Variants in ZNF442 observed in about 807,000 individuals in gnomAD.
ZNF442 encodes zinc finger protein 442.
In ZNF442, 45 loss-of-function variants were observed where a neutral mutation model predicts 57.0. That is an observed-to-expected ratio of 0.79 (90% CI 0.62 to 1.01). ZNF442 has a LOEUF of 1.01. ZNF442 is among the 50% of genes least tolerant of loss of function. The probability of loss-of-function intolerance (pLI) is 0.00; values close to 1 mark genes in which losing one functional copy is unlikely to be tolerated. For synonymous variants in ZNF442, 213 were observed against 241.8 expected, an observed-to-expected ratio of 0.88 and a Z score of 1.10; for missense variants, 690 against 756.5, an observed-to-expected ratio of 0.91 and a Z score of 1.03.
intron 3 of ZNF442, among the ~76,000 whole-genome samples, chr19:12,360,779 C>T (rs980914577): frequency 6.6e-6 from 1 of 152,086 alleles, no homozygotes; most frequent in South Asian, 2.1e-4. Context: ...AATCAGGAGG[C>T]TGAGGCACGA....
chr19:12,372,412 T>C, the ZNF442 span, among the ~76,000 whole-genome samples: 1 of 151,308 alleles, frequency 6.6e-6, no homozygotes, highest in African/African-American at 2.4e-5. Context: ...TGAGCCCAGA[T>C]AGCACCACTG....
At chr19:12,373,206 C>T in the ZNF442 span, among the ~76,000 whole-genome samples, 1 of 152,148 alleles carries the variant, frequency 6.6e-6, no homozygotes, top group African/African-American at 2.4e-5. Flanking sequence ...ACACTTACAT[C>T]ATTTCATCAG....
In ZNF442 at chr19:12,363,654, G is replaced by A. The variant is rs892735492; in HGVS notation, c.-23C>T. Reference sequence around the variant, plus strand: ...CATTCAACTGGCTGACCAGCCGTGTGTCCCCAAGGAATGGAAACTGGGGTT... The same window carrying A: ...CATTCAACTGGCTGACCAGCCGTGTATCCCCAAGGAATGGAAACTGGGGTT... On this transcript the variant is annotated 5_prime_UTR_variant, in exon 3 of 6. Coordinates refer to ENST00000242804, the MANE Select transcript of ZNF442 (RefSeq NM_030824.3). 1.9e-6 allele frequency: 3 copies of A among 1,610,304 alleles called. No homozygotes were observed. The highest frequency in any genetic ancestry group is 2.5e-6 in the Non-Finnish European group (3 of 1,176,526).
rs1969272399 is a variant in ZNF442, at chr19:12,353,123, C to G, written c.79-9G>C. Reference sequence around the variant, plus strand: ...TCAAAGGCTACTGAATCCTGAAACACCCCACATGTACAAAGGAGTAAGGCT... The same window carrying G: ...TCAAAGGCTACTGAATCCTGAAACAGCCCACATGTACAAAGGAGTAAGGCT... On this transcript the variant is annotated splice_polypyrimidine_tract_variant and intron_variant, in intron 3 of 5. Transcript: ENST00000242804. The G allele has an allele frequency of 1.2e-6, 2 of 1,606,336 alleles. No individual in the cohort carries two copies. Among genetic ancestry groups the G allele is most frequent in the Non-Finnish European group, 8.5e-7 (1 of 1,177,722 alleles).
At chr19:12,363,517 T>C in intron 3 of ZNF442, 37 bp downstream of exon 3, 1 of 1,604,252 alleles carries the variant, frequency 6.2e-7, no homozygotes, top group Non-Finnish European at 8.5e-7. Flanking sequence ...TGGGAGGTTC[T>C]TGCACAACTG....
the ZNF442 span, chr19:12,373,672 A>G: frequency 3.3e-6 from 1 of 306,616 alleles, no homozygotes; most frequent in Non-Finnish European, 6.6e-6. Context: ...TGGTCTCAAT[A>G]TGTGCCGCCA....
chr19:12,355,796 G>C (rs183341260), intron 3 of ZNF442, among the ~76,000 whole-genome samples: 1 of 151,932 alleles, frequency 6.6e-6, no homozygotes, highest in East Asian at 2.0e-4. Flanking sequence ...GGTGAAACCT[G>C]ATCACTAGAA....
At position 12,363,677 on chromosome 19, in the gene ZNF442, G is replaced by A. The variant is rs1352949006; in HGVS notation, c.-40-6C>T. 6.4e-7 allele frequency: 1 copy of A among 1,562,178 alleles called. No homozygotes were observed. The highest frequency in any genetic ancestry group is 8.8e-7 in the Non-Finnish European group (1 of 1,133,006). On this transcript the variant is annotated splice_polypyrimidine_tract_variant and splice_region_variant and intron_variant, in intron 2 of 5. Transcript: ENST00000242804. ...GTGTCCCCAAGGAATGGAAACTGGGGTTGGGGAAGAACAAGGTGATTGTCC... is the reference window on the plus strand; with the variant it reads ...GTGTCCCCAAGGAATGGAAACTGGGATTGGGGAAGAACAAGGTGATTGTCC...
upstream of ZNF442, among the ~76,000 whole-genome samples, chr19:12,369,055 G>C (rs1466016382): frequency 6.6e-6 from 1 of 152,032 alleles, no homozygotes; most frequent in Non-Finnish European, 1.5e-5. Context: ...AGTGTCACTG[G>C]TAAACTGAGT....
rs979273416 is a variant in ZNF442 at position 12,364,940 on chromosome 19, G to A, written c.-179C>T. 1 of 152,218 alleles carries A rather than the reference G, an allele frequency of 6.6e-6. No homozygotes were observed. Among genetic ancestry groups the A allele is most frequent in the Non-Finnish European group, 1.5e-5 (1 of 68,098 alleles). 9.4% of individuals were successfully genotyped at this position (152,218 alleles called of 1,614,324 possible). ...TTGCCCAAGTTCTTTCTCAGATCTT[G>A]AATTCCAACGGAAAGGCTGGCGCCA... is the stretch of plus-strand genomic sequence containing the variant. On this transcript the variant is annotated 5_prime_UTR_variant, in exon 2 of 6. Coordinates refer to ENST00000242804, the MANE Select transcript of ZNF442 (RefSeq NM_030824.3).
intron 4 of ZNF442, 68 bp from the exon 5 acceptor site, chr19:12,352,138 T>C: frequency 6.8e-7 from 1 of 1,463,328 alleles, no homozygotes; most frequent in Non-Finnish European, 9.5e-7. Context: ...CAAGATTTTA[T>C]GTACAATGGA....
the ZNF442 span, among the ~76,000 whole-genome samples, chr19:12,371,995 C>T: frequency 1.3e-5 from 2 of 152,144 alleles, no homozygotes; most frequent in African/African-American, 2.4e-5. Context: ...GAACTATCAA[C>T]AGAGTAAACA....
chr19:12,361,197 A>T (rs1467182863), intron 3 of ZNF442, among the ~76,000 whole-genome samples: 2 of 152,224 alleles, frequency 1.3e-5, no homozygotes, highest in Non-Finnish European at 2.9e-5. Flanking sequence ...GTCTCAAAAA[A>T]ATAAAAAATA....
rs568294808 is a variant in ZNF442 at position 12,347,097 on chromosome 19, C to T, written c.*2604G>A. 1.3e-5 allele frequency: 2 copies of T among 152,256 alleles called. No homozygotes were observed. Among genetic ancestry groups the T allele is most frequent in the South Asian group, 4.1e-4 (2 of 4,822 alleles). 9.4% of individuals were successfully genotyped at this position (152,256 alleles called of 1,614,324 possible). ...GTTCCAGTGGTTAATGTTGGTAGTT[C>T]AAAGGGTAACACTGCCCTCTAGGCA... On this transcript the variant is annotated 3_prime_UTR_variant, in exon 6 of 6. Coordinates refer to ENST00000242804, the MANE Select transcript of ZNF442 (RefSeq NM_030824.3).
In ZNF442 at chr19:12,349,673, A is replaced by G. The variant is rs1969181098; in HGVS notation, c.*28T>C. 6.4e-7 allele frequency: 1 copy of G among 1,558,204 alleles called. No homozygotes were observed. Among genetic ancestry groups the G allele is most frequent in the African/African-American group, 1.4e-5 (1 of 72,700 alleles). On this transcript the variant is annotated 3_prime_UTR_variant, in exon 6 of 6. Transcript: ENST00000242804. Reference sequence around the variant, plus strand: ...GATTTCTTTCACGTTTCTGAAATGAAATAAAATTAATGAATGCTTTTCCAC... The same window carrying G: ...GATTTCTTTCACGTTTCTGAAATGAGATAAAATTAATGAATGCTTTTCCAC...
At position 12,365,648 on chromosome 19, in the gene ZNF442, C is replaced by G. The variant is rs76928078; in HGVS notation, c.-598G>C. On this transcript the variant is annotated 5_prime_UTR_variant, in exon 1 of 6. Transcript: ENST00000242804. The stretch of plus-strand genomic sequence containing the variant: ...GCCAGGGCTTCTCTCAGCTACAGAG[C>G]CAGGAGCGGGAGCTCAGAGGGGTGT... 0.019 allele frequency: 4,539 copies of G among 233,460 alleles called. 231 individuals are homozygous for G. Among genetic ancestry groups the G allele is most frequent in the African/African-American group, 0.1 (4,320 of 43,164 alleles). The allele number at this position is 233,460 out of a possible 1,614,324, so 14.5% of individuals were successfully genotyped here.
At chr19:12,372,770 G>T in the ZNF442 span, among the ~76,000 whole-genome samples, 1 of 152,130 alleles carries the variant, frequency 6.6e-6, no homozygotes, top group Non-Finnish European at 1.5e-5. Flanking sequence ...GAGTGAATTT[G>T]GATGTGAGTT....
Position 12,348,724 on chromosome 19 carries a change from C to A in ZNF442, c.*977G>T, listed in dbSNP as rs1416684258. ...ACTGTTTATCTACAGTGCCACCCAT[C>A]TAGTCACCTCAGTGAATCATATTAG... is the stretch of plus-strand genomic sequence containing the variant. On this transcript the variant is annotated 3_prime_UTR_variant, in exon 6 of 6. Transcript: ENST00000242804. 2 of 152,160 alleles carry A rather than the reference C, an allele frequency of 1.3e-5. No individual in the cohort carries two copies. Among genetic ancestry groups the A allele is most frequent in the Non-Finnish European group, 1.5e-5 (1 of 68,036 alleles). The allele number at this position is 152,160 out of a possible 1,614,324, so 9.4% of individuals were successfully genotyped here.
At position 12,353,038 on chromosome 19, in the gene ZNF442, C is replaced by T; in HGVS notation, c.155G>A (p.Ser52Asn). 6.2e-7 allele frequency: 1 copy of T among 1,613,718 alleles called. No homozygotes were observed. Among genetic ancestry groups the T allele is most frequent in the African/African-American group, 1.3e-5 (1 of 75,010 alleles). Residue 52 changes from serine to asparagine, a missense_variant, in exon 4 of 6, where the codon AGT (serine) becomes AAT (asparagine). Physicochemically the swap from Ser to Asn is conservative, Grantham distance 46 (BLOSUM62 1). Coordinates refer to ENST00000242804, the MANE Select transcript of ZNF442 (RefSeq NM_030824.3). ...EWALLGPSQK[S>N]LYRDVMWETI... ...TTCCCACATCACATCTCTGTACAGA[C>T]TCTTCTGTGATGGACCCAGCAAAGC...
Sources: gnomAD v4.1 joint callset for allele counts (sites outside exome capture counted in the v4.1 genomes callset) on GRCh38, gnomAD v4.1.1 for gene constraint, MANE v1.5 for transcripts, NCBI Gene and HGNC (gene_info 2026-07-23, HGNC 2026-07-21) for gene names.